UTRN: variants seen among roughly 807,000 people sequenced by gnomAD.
UTRN encodes the protein dystrophin-related protein 1.
Under a neutral mutation model 463.9 loss-of-function variants are expected in UTRN, and 283 were observed. The ratio of observed to expected loss-of-function variants is 0.61; its 90% CI spans 0.55 to 0.67. The LOEUF (loss-of-function observed/expected upper bound fraction) is 0.67, where lower values mean the gene tolerates loss of function less well. Among genes scored for constraint, UTRN ranks in the 30% least tolerant of loss-of-function variants. UTRN has a pLI of 0.00. For synonymous variants in UTRN, 1,442 were observed against 1,431.5 expected (o/e 1.01, Z -0.17); for missense variants, 3,922 against 4,084.3 (o/e 0.96, Z 1.08).
intron 51 of UTRN, among the ~76,000 whole-genome samples, chr6:144,633,610 A>G (rs1412222704): frequency 6.6e-6 from 1 of 152,174 alleles, no homozygotes; most frequent in Non-Finnish European, 1.5e-5. Context: ...TAGTGAGTAC[A>G]TTATCTCAGT....
At chr6:144,760,757 A>G (rs960884994) in intron 58 of UTRN, among the ~76,000 whole-genome samples, 2 of 152,234 alleles carry the variant, frequency 1.3e-5, no homozygotes, top group African/African-American at 4.8e-5. Context: ...CAAATTTTGC[A>G]TGATTGCCAT....
chr6:144,693,133 GTTTATTGAATAGGGAATCA>G (rs1437761498), intron 52 of UTRN, among the ~76,000 whole-genome samples: 1 of 151,962 alleles, frequency 6.6e-6, no homozygotes, highest in Non-Finnish European at 1.5e-5. Flanking sequence ...ACCCAGCAAC[GTTTATTGAATAGGGAATCA>G]TTTCCCCATT....
chr6:144,572,387 A>T (rs571225357), intron 50 of UTRN, among the ~76,000 whole-genome samples: 145 of 152,108 alleles, frequency 9.5e-4, no homozygotes, highest in Non-Finnish European at 1.5e-3. Context: ...TAGTTTTTTT[A>T]AAAAAATTTT....
Position 144,461,273 on chromosome 6 carries a change from T to C in UTRN, c.2784T>C (p.Asn928=), listed in dbSNP as rs1288395059. 1 of 1,610,192 alleles carries C rather than the reference T, an allele frequency of 6.2e-7. No homozygotes were observed. The highest frequency in any genetic ancestry group is 8.5e-7 in the Non-Finnish European group (1 of 1,177,628). The change falls in exon 22 of 75, where the codon AAT becomes AAC. Residue 928 remains asparagine, a synonymous_variant. Transcript: ENST00000367545. The part of the protein sequence containing the change: ...TLKDVLNDSE[N]KAQVSLNVLN... Reference sequence around the variant, plus strand: ...AAGATGTGCTAAATGATTCAGAAAATAAGGCCCAGGTGTCTCTGAATGTCC... The same window carrying C: ...AAGATGTGCTAAATGATTCAGAAAACAAGGCCCAGGTGTCTCTGAATGTCC...
chr6:144,362,763 A>G (rs1779188098), intron 2 of UTRN, among the ~76,000 whole-genome samples: 1 of 152,202 alleles, frequency 6.6e-6, no homozygotes, highest in South Asian at 2.1e-4. Context: ...TGTGATGTGA[A>G]AGTTGATTTC....
chr6:144,422,069 T>C, intron 4 of UTRN, 99 bp downstream of exon 4: 1 of 934,954 alleles, frequency 1.1e-6, no homozygotes, highest in South Asian at 2.1e-5. Flanking sequence ...TCCATTTTAC[T>C]TTACGTTCAA....
At chr6:144,722,847 C>T (rs6907407) in intron 53 of UTRN, among the ~76,000 whole-genome samples, 10,983 of 152,078 alleles carry the variant, frequency 0.072, 1,363 homozygotes, top group African/African-American at 0.25. Flanking sequence ...TGTTTTGTCC[C>T]GCCCTCCCCA....
At chr6:144,661,491 T>C (rs1779860929) in intron 51 of UTRN, among the ~76,000 whole-genome samples, 1 of 152,150 alleles carries the variant, frequency 6.6e-6, no homozygotes, top group African/African-American at 2.4e-5. Flanking sequence ...CTTTAATATG[T>C]GGTTAAGCAT....
chr6:144,756,589 A>G (rs917165816), intron 57 of UTRN, among the ~76,000 whole-genome samples: 5 of 152,174 alleles, frequency 3.3e-5, no homozygotes, highest in African/African-American at 1.2e-4. Context: ...CCATGGTTAT[A>G]AAAGAAGCCT....
chr6:144,687,956 G>C (rs1441301118), intron 52 of UTRN, among the ~76,000 whole-genome samples: 2 of 152,044 alleles, frequency 1.3e-5, no homozygotes, highest in Non-Finnish European at 2.9e-5. Flanking sequence ...AAAACTATTT[G>C]GTTTTTCTTC....
At chr6:144,779,328 C>T (rs1775612215) in intron 60 of UTRN, among the ~76,000 whole-genome samples, 1 of 152,148 alleles carries the variant, frequency 6.6e-6, no homozygotes, top group Non-Finnish European at 1.5e-5. Flanking sequence ...TTTGCTTCTG[C>T]CCTCTAGAGG....
chr6:144,583,581 G>T (rs1180195854), intron 51 of UTRN: 1 of 711,908 alleles, frequency 1.4e-6, no homozygotes, highest in Non-Finnish European at 2.6e-6. Flanking sequence ...TCTTCTCCTC[G>T]GTATCAGAAG....
chr6:144,654,854 C>G (rs977397630), intron 51 of UTRN, among the ~76,000 whole-genome samples: 3 of 152,228 alleles, frequency 2.0e-5, no homozygotes, highest in African/African-American at 7.2e-5. Flanking sequence ...CTGACTCCTG[C>G]ACCTGGTTGG....
intron 65 of UTRN, 67 bp downstream of exon 65, chr6:144,803,214 A>T (rs1777854128): frequency 2.0e-6 from 2 of 988,176 alleles, no homozygotes; most frequent in African/African-American, 3.4e-5. Context: ...CTAAAATTTT[A>T]TTATTTATTT....
intron 34 of UTRN, 74 bp downstream of exon 34, chr6:144,499,501 A>G (rs1793983632): frequency 1.5e-6 from 2 of 1,307,978 alleles, no homozygotes; most frequent in Admixed American, 4.4e-5. Flanking sequence ...ACCTGGTTGG[A>G]TACCATGTCC....
intron 2 of UTRN, among the ~76,000 whole-genome samples, chr6:144,322,824 T>C (rs992824670): frequency 6.6e-6 from 1 of 151,874 alleles, no homozygotes; most frequent in East Asian, 1.9e-4. Context: ...GCTCCTGTAG[T>C]CCCAGCTACT....
intron 52 of UTRN, among the ~76,000 whole-genome samples, chr6:144,692,772 CT>C (rs1783569778): frequency 6.6e-6 from 1 of 152,056 alleles, no homozygotes; most frequent in Non-Finnish European, 1.5e-5. Context: ...GTTTACATTC[CT>C]TATAGATGCT....
chr6:144,607,414 A>G (rs1804974226), intron 51 of UTRN, among the ~76,000 whole-genome samples: 1 of 152,134 alleles, frequency 6.6e-6, no homozygotes, highest in Non-Finnish European at 1.5e-5. Flanking sequence ...TATTCTCTAA[A>G]CATCTTCTCA....
chr6:144,307,545 C>G (rs1294837279), intron 2 of UTRN, among the ~76,000 whole-genome samples: 4 of 152,118 alleles, frequency 2.6e-5, no homozygotes, highest in African/African-American at 9.7e-5. Context: ...GATTGGCAGT[C>G]CAATACGCTG....
Sources: allele counts gnomAD v4.1 joint callset (sites outside exome capture counted in the v4.1 genomes callset), GRCh38; gene constraint gnomAD v4.1.1; transcripts MANE v1.5; gene names NCBI Gene and HGNC (gene_info 2026-07-23, HGNC 2026-07-21).